The following DISC1 variants were observed in gnomAD, a reference collection of about 807,000 sequenced individuals.
DISC1 encodes disrupted in schizophrenia 1 protein.
In DISC1, 57 loss-of-function variants were observed where a neutral mutation model predicts 84.5. The observed-to-expected ratio is 0.67, with a 90% CI of 0.55 to 0.84. DISC1 has a LOEUF of 0.84. Among genes scored for constraint, DISC1 ranks in the 40% least tolerant of loss-of-function variants. The pLI is 0.00. For synonymous variants in DISC1, 411 were observed against 415.2 expected (o/e 0.99, Z 0.12); for missense variants, 1,000 against 1,057.8 (o/e 0.95, Z 0.76).
At chr1:231,775,484 A>T (rs190948736) in intron 6 of DISC1, among the ~76,000 whole-genome samples, 2 of 152,314 alleles carry the variant, frequency 1.3e-5, no homozygotes, top group East Asian at 3.9e-4. Flanking sequence ...AAGCCATTTG[A>T]ATTTTCCAAT....
intron 3 of DISC1, among the ~76,000 whole-genome samples, chr1:231,742,163 G>A (rs988264145): frequency 1.6e-4 from 25 of 152,246 alleles, no homozygotes; most frequent in African/African-American, 4.8e-4. Context: ...CACCCTACTA[G>A]GAGTGTTCCT....
chr1:231,859,705 A>G (rs142796251), intron 9 of DISC1, among the ~76,000 whole-genome samples: 3 of 152,302 alleles, frequency 2.0e-5, no homozygotes, highest in African/African-American at 4.8e-5. Context: ...GTGGATTTCT[A>G]TGTAACCACT....
At chr1:231,736,579 T>A (rs2072535783) in intron 3 of DISC1, among the ~76,000 whole-genome samples, 1 of 152,224 alleles carries the variant, frequency 6.6e-6, no homozygotes, top group Admixed American at 6.5e-5. Context: ...GAAAATAAAC[T>A]CAACAAACTC....
At chr1:232,003,248 A>T (rs1666938992) in intron 10 of DISC1, among the ~76,000 whole-genome samples, 1 of 152,196 alleles carries the variant, frequency 6.6e-6, no homozygotes, top group Non-Finnish European at 1.5e-5. Flanking sequence ...GTCATTTTAA[A>T]AATATGCAAA....
At chr1:231,945,319 C>G (rs1217684037) in intron 9 of DISC1, 2 of 152,152 alleles carry the variant, frequency 1.3e-5, no homozygotes, top group African/African-American at 4.8e-5. Context: ...CACTCAAAAC[C>G]TCACAACTAC....
intron 1 of DISC1, among the ~76,000 whole-genome samples, chr1:231,676,232 C>T (rs1397427661): frequency 1.4e-4 from 21 of 152,256 alleles, no homozygotes. Context: ...ATATTAGTCT[C>T]AACCCTTTGG....
At chr1:231,864,403 C>A (rs542513643) in intron 9 of DISC1, among the ~76,000 whole-genome samples, 2 of 152,234 alleles carry the variant, frequency 1.3e-5, no homozygotes, top group African/African-American at 4.8e-5. Context: ...GTGGCTCACG[C>A]CTGTAATCCC....
chr1:232,036,271 G>A (rs1670507957), intron 12 of DISC1, among the ~76,000 whole-genome samples: 1 of 152,148 alleles, frequency 6.6e-6, no homozygotes, highest in Admixed American at 6.5e-5. Flanking sequence ...CCCAAATCCT[G>A]TATTTCTCAA....
At chr1:231,828,993 G>A (rs533392521) in intron 9 of DISC1, among the ~76,000 whole-genome samples, 16 of 152,130 alleles carry the variant, frequency 1.1e-4, no homozygotes, top group Non-Finnish European at 1.8e-4. Flanking sequence ...ATACACTTCT[G>A]TGTCCCTGGT....
chr1:231,930,241 T>C (rs1366460604), intron 9 of DISC1, among the ~76,000 whole-genome samples: 3 of 152,116 alleles, frequency 2.0e-5, no homozygotes, highest in African/African-American at 7.2e-5. Context: ...AGATGAGAGA[T>C]GTGAGGTCAG....
At chr1:231,720,796 C>T in intron 3 of DISC1, 1 of 1,224,890 alleles carries the variant, frequency 8.2e-7, no homozygotes, top group Non-Finnish European at 1.1e-6. Flanking sequence ...AGTCACAGGG[C>T]AGAAGTGGTT....
intron 9 of DISC1, among the ~76,000 whole-genome samples, chr1:231,868,145 G>A (rs1390263240): frequency 6.6e-6 from 1 of 152,182 alleles, no homozygotes; most frequent in Admixed American, 6.5e-5. Flanking sequence ...CATGCATGTG[G>A]CTGGCATTCT....
intron 9 of DISC1, among the ~76,000 whole-genome samples, chr1:231,933,010 A>G (rs2090763576): frequency 6.6e-6 from 1 of 152,232 alleles, no homozygotes; most frequent in African/African-American, 2.4e-5. Flanking sequence ...TAATGGCCCT[A>G]TACCACCCGA....
chr1:231,762,711 C>G (rs957409265), intron 4 of DISC1, among the ~76,000 whole-genome samples: 1 of 151,884 alleles, frequency 6.6e-6, no homozygotes, highest in African/African-American at 2.4e-5. Context: ...TTTCCCGATA[C>G]AAACATTGAG....
In DISC1 at chr1:232,039,753, AAAC is replaced by A. The variant is rs1295940179; in HGVS notation, c.*2931_*2933del. On this transcript the variant is annotated 3_prime_UTR_variant, in exon 13 of 13. Transcript: ENST00000439617. ...TTAGGGCTTAGATTTAAAAGCATCA[AAAC>A]AACAACAATGGAAATTTATGTTGGC... The A allele has an allele frequency of 6.6e-6, 1 of 152,270 alleles. No individual in the cohort carries two copies. Among genetic ancestry groups the A allele is most frequent in the Admixed American group, 6.5e-5 (1 of 15,292 alleles). 9.4% of individuals were successfully genotyped at this position (152,270 alleles called of 1,614,324 possible).
chr1:231,935,691 T>A (rs2126117796), intron 9 of DISC1, among the ~76,000 whole-genome samples: 1 of 152,304 alleles, frequency 6.6e-6, no homozygotes, highest in African/African-American at 2.4e-5. Context: ...TTAAGCACAT[T>A]TACAATTGCC....
chr1:231,663,481 C>T (rs1005129202), intron 1 of DISC1, among the ~76,000 whole-genome samples: 1 of 152,154 alleles, frequency 6.6e-6, no homozygotes, highest in South Asian at 2.1e-4. Context: ...TTCCTGCTGG[C>T]ATTTAAGTCC....
intron 2 of DISC1, among the ~76,000 whole-genome samples, chr1:231,695,831 C>A (rs2125672791): frequency 6.6e-6 from 1 of 152,202 alleles, no homozygotes; most frequent in East Asian, 1.9e-4. Context: ...AGAGCATCTC[C>A]CATCTGTTCT....
At chr1:231,782,897 G>A (rs1313373268) in intron 6 of DISC1, among the ~76,000 whole-genome samples, 2 of 152,068 alleles carry the variant, frequency 1.3e-5, no homozygotes, top group African/African-American at 2.4e-5. Context: ...AGTGGAGATC[G>A]TGTCACTCTA....
Sources: allele counts gnomAD v4.1 joint callset (sites outside exome capture counted in the v4.1 genomes callset), GRCh38; gene constraint gnomAD v4.1.1; transcripts MANE v1.5; gene names NCBI Gene and HGNC (gene_info 2026-07-23, HGNC 2026-07-21).